Variants in MACROD2 observed in about 807,000 individuals in gnomAD.
MACROD2 encodes the protein ADP-ribose glycohydrolase MACROD2.
In MACROD2, 36 loss-of-function variants were observed where a neutral mutation model predicts 70.4. The observed-to-expected ratio is 0.51, with a 90% CI of 0.39 to 0.68. The LOEUF (loss-of-function observed/expected upper bound fraction) is 0.68. Ranked by LOEUF, MACROD2 falls within the 30% of genes least tolerant of loss-of-function variation. The probability of loss-of-function intolerance (pLI) is 0.00; values close to 1 mark genes in which losing one functional copy is unlikely to be tolerated. For missense variants in MACROD2, 496 were observed against 538.4 expected, an observed-to-expected ratio of 0.92 and a Z score of 0.78; for synonymous variants, 172 against 178.8, an observed-to-expected ratio of 0.96 and a Z score of 0.30.
At chr20:15,801,742 AT>A (rs1247365389) in intron 8 of MACROD2, among the ~76,000 whole-genome samples, 2 of 152,054 alleles carry the variant, frequency 1.3e-5, no homozygotes, top group Admixed American at 6.5e-5. Context: ...GAAAAATATC[AT>A]TGGCATTTTG....
rs117514470 is a variant in MACROD2, at chr20:15,759,090, G to A, written c.646-103655G>A. 1.6e-3 allele frequency among the ~76,000 whole-genome samples: 224 copies of A among 135,972 alleles called. 2 individuals carry two copies. The East Asian group carries it at 0.039, about 24-fold the overall frequency. The allele number at this position is 135,972 out of a possible 152,430, so 89.2% of individuals were successfully genotyped here. Reference sequence around the variant, plus strand: ...TGAACCTGGAGGTGGAAGTTGTAGTGAGCCAAGATTGCGCCACTGTACTCC... The same window carrying A: ...TGAACCTGGAGGTGGAAGTTGTAGTAAGCCAAGATTGCGCCACTGTACTCC... On this transcript the variant is annotated intron_variant, in intron 8 of 17. Coordinates refer to ENST00000684519, the MANE Select transcript of MACROD2 (RefSeq NM_001351661.2).
At chr20:15,277,051 A>C (rs1392486837) in intron 6 of MACROD2, among the ~76,000 whole-genome samples, 1 of 152,206 alleles carries the variant, frequency 6.6e-6, no homozygotes, top group East Asian at 1.9e-4. Flanking sequence ...TTGTTACCTC[A>C]AAGAGCAAGG....
intron 8 of MACROD2, among the ~76,000 whole-genome samples, chr20:15,848,332 A>G (rs1004962325): frequency 1.3e-5 from 2 of 151,936 alleles, no homozygotes; most frequent in Non-Finnish European, 2.9e-5. Flanking sequence ...CAGTGTGCCG[A>G]AGAGAGGCCA....
intron 8 of MACROD2, among the ~76,000 whole-genome samples, chr20:15,658,956 G>T (rs1338228262): frequency 6.6e-6 from 1 of 152,114 alleles, no homozygotes; most frequent in Non-Finnish European, 1.5e-5. Context: ...ACTCAAGCAT[G>T]CTTCGTTTCT....
chr20:14,100,498 T>C (rs546022987), intron 3 of MACROD2, among the ~76,000 whole-genome samples: 58 of 149,166 alleles, frequency 3.9e-4, no homozygotes, highest in African/African-American at 1.4e-3. Flanking sequence ...TGAGAGAAAA[T>C]ATAGAATAGT....
intron 8 of MACROD2, among the ~76,000 whole-genome samples, chr20:15,830,760 A>T (rs1354697363): frequency 1.3e-5 from 2 of 152,234 alleles, no homozygotes; most frequent in Non-Finnish European, 2.9e-5. Flanking sequence ...ATATTATGAA[A>T]AGGAAATTAA....
chr20:15,557,958 C>T (rs554729361), intron 8 of MACROD2, among the ~76,000 whole-genome samples: 4 of 152,296 alleles, frequency 2.6e-5, no homozygotes, highest in South Asian at 4.1e-4. Flanking sequence ...GACAAACTCA[C>T]ATAGTAATAA....
chr20:14,604,377 G>T (rs1351904800), intron 4 of MACROD2, among the ~76,000 whole-genome samples: 1 of 152,116 alleles, frequency 6.6e-6, no homozygotes, highest in Non-Finnish European at 1.5e-5. Flanking sequence ...ATTCACTATT[G>T]ATTTTTTTGC....
At chr20:14,246,923 A>C (rs983759923) in intron 3 of MACROD2, among the ~76,000 whole-genome samples, 1 of 152,186 alleles carries the variant, frequency 6.6e-6, no homozygotes, top group Admixed American at 6.5e-5. Flanking sequence ...CATGGCAACC[A>C]GGGTGAAATT....
Position 14,085,434 on chromosome 20 carries a change from G to A in MACROD2, c.164-187G>A, listed in dbSNP as rs965591144. ...GTATGTCCATTTTGTATGTGATAGT[G>A]TGTTTGTTTTGAGAATTACAAAATA... On this transcript the variant is annotated intron_variant, in intron 2 of 17. Transcript: ENST00000684519. 2.0e-5 allele frequency among the ~76,000 whole-genome samples: 3 copies of A among 152,142 alleles called. No homozygotes were observed. In the South Asian group the frequency reaches 6.2e-4, roughly 32 times the overall value.
chr20:15,970,542 C>T lies in MACROD2; in HGVS notation c.985+2912C>T, dbSNP rs569344343. 2.0e-5 allele frequency among the ~76,000 whole-genome samples: 3 copies of T among 152,094 alleles called. No individual in the cohort carries two copies. The East Asian group carries it at 5.8e-4, about 29-fold the overall frequency. On this transcript the variant is annotated intron_variant, in intron 13 of 17. Transcript: ENST00000684519. ...TGAGGTGAGCCCTGTGATTGCCCAG[C>T]TGGCTGCCTGGAGAGTTTCCAGGCT...
intron 2 of MACROD2, among the ~76,000 whole-genome samples, chr20:14,017,964 G>A (rs1207277359): frequency 1.3e-5 from 2 of 152,106 alleles, no homozygotes; most frequent in Non-Finnish European, 2.9e-5. Context: ...TACTTATTCA[G>A]TCTCCTTACT....
intron 8 of MACROD2, among the ~76,000 whole-genome samples, chr20:15,584,030 T>C (rs1270601175): frequency 6.6e-6 from 1 of 152,240 alleles, no homozygotes; most frequent in African/African-American, 2.4e-5. Context: ...ATAACTAAAC[T>C]TTAAAAGTTA....
chr20:15,794,664 C>A (rs778617315), intron 8 of MACROD2, among the ~76,000 whole-genome samples: 4 of 152,162 alleles, frequency 2.6e-5, no homozygotes, highest in African/African-American at 9.7e-5. Context: ...TTTGATAGAA[C>A]AAGGTTAATA....
At chr20:14,367,091 G>T (rs204636) in intron 3 of MACROD2, among the ~76,000 whole-genome samples, 40,163 of 151,660 alleles carry the variant, frequency 0.26, 5,555 homozygotes, top group African/African-American at 0.34. Context: ...GTTTGTATGG[G>T]GATAACAATT....
intron 11 of MACROD2, among the ~76,000 whole-genome samples, chr20:15,936,961 T>C (rs1316341458): frequency 6.6e-6 from 1 of 152,162 alleles, no homozygotes; most frequent in African/African-American, 2.4e-5. Flanking sequence ...TGGTGGCTTC[T>C]GGTGACCTGT....
At chr20:14,125,440 G>A (rs542221585) in intron 3 of MACROD2, among the ~76,000 whole-genome samples, 1 of 152,188 alleles carries the variant, frequency 6.6e-6, no homozygotes, top group South Asian at 2.1e-4. Flanking sequence ...TACCTTGTTG[G>A]GGTAAGATCA....
intron 6 of MACROD2, among the ~76,000 whole-genome samples, chr20:15,332,625 T>C (rs953684001): frequency 4.1e-5 from 5 of 123,172 alleles, no homozygotes; most frequent in Admixed American, 3.2e-4. Context: ...ACAGCCCCTT[T>C]GAAAGAGGCC....
intron 3 of MACROD2, among the ~76,000 whole-genome samples, chr20:14,402,228 T>C (rs1417349702): frequency 1.3e-5 from 2 of 152,188 alleles, no homozygotes; most frequent in African/African-American, 4.8e-5. Flanking sequence ...TTTTTTGTGT[T>C]AGTGTTGTTT....
Sources: allele counts gnomAD v4.1 joint callset (sites outside exome capture counted in the v4.1 genomes callset), GRCh38; gene constraint gnomAD v4.1.1; transcripts MANE v1.5; gene names NCBI Gene and HGNC (gene_info 2026-07-23, HGNC 2026-07-21).